Variants in ECEL1 observed in about 807,000 individuals in gnomAD.
ECEL1 encodes the protein endothelin converting enzyme like 1.
ECEL1 carries 87 observed loss-of-function variants against 101.8 expected under a neutral mutation model. That is an observed-to-expected ratio of 0.85 (90% confidence interval 0.72 to 1.02). The LOEUF is 1.02. Ranked by LOEUF, ECEL1 falls within the 50% of genes least tolerant of loss-of-function variation. ECEL1 has a pLI of 0.00. For synonymous variants in ECEL1, 487 were observed against 468.7 expected, an observed-to-expected ratio of 1.04 and a Z score of -0.50; for missense variants, 1,032 against 1,079.2, an observed-to-expected ratio of 0.96 and a Z score of 0.61.
Position 232,486,608 on chromosome 2 carries a change from C to T in ECEL1, c.46G>A (p.Glu16Lys), listed in dbSNP as rs777162903. Residue 16 changes from glutamate to lysine, a missense_variant, in exon 2 of 18, where the codon GAG (glutamate) becomes AAG (lysine). Physicochemically the swap from Glu to Lys is moderately conservative, Grantham distance 56 (BLOSUM62 1). Transcript: ENST00000304546. Reference protein sequence around the residue: ...SLTAHYDEFQEVKYVSRCGAG... With the variant: ...SLTAHYDEFQKVKYVSRCGAG... ...CCGCAGCGGCTCACGTACTTGACCTCTTGGAACTCATCGTAGTGCGCCGTC... is the reference window on the plus strand; with the variant it reads ...CCGCAGCGGCTCACGTACTTGACCTTTTGGAACTCATCGTAGTGCGCCGTC... 19 of 1,521,134 alleles carry T rather than the reference C, an allele frequency of 1.2e-5. No individual in the cohort carries two copies. The South Asian group carries it at 2.3e-4, about 18-fold the overall frequency. 94.2% of individuals were successfully genotyped at this position (1,521,134 alleles called of 1,614,324 possible).
intron 12 of ECEL1, among the ~76,000 whole-genome samples, chr2:232,482,126 T>C (rs919300336): frequency 6.6e-6 from 1 of 152,234 alleles, no homozygotes; most frequent in Non-Finnish European, 1.5e-5. Context: ...CGGAGGCACC[T>C]ACGTAGGGGT....
intron 1 of ECEL1, among the ~76,000 whole-genome samples, 163 bp from the exon 2 acceptor site, chr2:232,486,917 G>T (rs1437333469): frequency 6.6e-6 from 1 of 152,176 alleles, no homozygotes; most frequent in Non-Finnish European, 1.5e-5. Context: ...CCACCCCCGG[G>T]TGCACAGTGG....
In ECEL1 at chr2:232,483,406, C is replaced by T. The variant is rs759173837; in HGVS notation, c.1506+10G>A. ...ATGGGACCAACCAATGACACTGGGTCCCCCCTCACCTTGGCCCGAGCAGCA... is the reference window on the plus strand; with the variant it reads ...ATGGGACCAACCAATGACACTGGGTTCCCCCTCACCTTGGCCCGAGCAGCA... On this transcript the variant is annotated intron_variant, in intron 8 of 17. Transcript: ENST00000304546. 6 of 1,595,746 alleles carry T rather than the reference C, an allele frequency of 3.8e-6. No homozygotes were observed. The highest frequency in any genetic ancestry group is 1.3e-5 in the African/African-American group (1 of 74,226).
chr2:232,484,637 A>C (rs1690673035), intron 5 of ECEL1, 41 bp from the exon 6 acceptor site: 1 of 1,610,728 alleles, frequency 6.2e-7, no homozygotes, highest in Non-Finnish European at 8.5e-7. Context: ...TAGGGTTGGC[A>C]GGGGCCACAG....
Position 232,480,798 on chromosome 2 carries a change from C to A in ECEL1, c.2071G>T (p.Val691Leu). The part of the protein sequence containing the change: ...KLAYHAYQKW[V>L]REHGPEHPLP... ...GGGTGCTCTGGGCCGTGCTCCCGCA[C>A]CCACTTCTGATAGGCCTGGGGACAC... Residue 691 changes from valine to leucine, a missense_variant, in exon 16 of 18, where the codon GTG (valine) becomes TTG (leucine). By Grantham distance (32) the Val-to-Leu change is conservative (BLOSUM62 1). Transcript: ENST00000304546. 2 of 1,613,654 alleles carry A rather than the reference C, an allele frequency of 1.2e-6. No homozygotes were observed. The highest frequency in any genetic ancestry group is 1.7e-6 in the Non-Finnish European group (2 of 1,179,834).
rs778627852 is a variant in ECEL1, at chr2:232,486,315, G to A, written c.339C>T (p.Ala113=). 3.8e-6 allele frequency: 6 copies of A among 1,582,532 alleles called. No homozygotes were observed. The South Asian group carries it at 4.5e-5, about 12-fold the overall frequency. ...KAFARAARFL[A]ANLDASIDPC... ...GGTCGATGCTGGCGTCCAGGTTGGC[G>A]GCCAGGAAGCGAGCGGCGCGCGCGA... Residue 113 remains alanine, a synonymous_variant, in exon 2 of 18, where the codon GCC becomes GCT. Coordinates refer to ENST00000304546, the MANE Select transcript of ECEL1 (RefSeq NM_004826.4).
chr2:232,485,248 G>T lies in ECEL1; in HGVS notation c.806C>A (p.Thr269Asn). 1 of 1,613,578 alleles carries T rather than the reference G, an allele frequency of 6.2e-7. No individual in the cohort carries two copies. The highest frequency in any genetic ancestry group is 8.5e-7 in the Non-Finnish European group (1 of 1,180,004). ...YVIRIDQDGL[T>N]LPERTLYLAQ... ...GAGGTACAGGGTCCTCTCTGGCAGG[G>T]TGAGCCCATCCTGGTCAATCTGGGG... The change falls in exon 3 of 18, where the codon ACC becomes AAC. Residue 269 changes from threonine to asparagine, a missense_variant. Thr to Asn is a moderately conservative substitution (Grantham distance 65, BLOSUM62 0). Coordinates refer to ENST00000304546, the MANE Select transcript of ECEL1 (RefSeq NM_004826.4).
intron 12 of ECEL1, 138 bp downstream of exon 12, chr2:232,482,280 G>A (rs1690600004): frequency 1.8e-6 from 2 of 1,108,536 alleles, no homozygotes; most frequent in East Asian, 4.7e-5. Context: ...GGGAGCCAGG[G>A]TCCACAGCTG....
At position 232,480,448 on chromosome 2, in the gene ECEL1, A is replaced by G. The variant is rs752788383; in HGVS notation, c.2179T>C (p.Ser727Pro). 6.2e-7 allele frequency: 1 copy of G among 1,613,868 alleles called. No individual in the cohort carries two copies. Among genetic ancestry groups the G allele is most frequent in the East Asian group, 2.2e-5 (1 of 44,864 alleles). ...TCAGTCAGCACCTGCAGGTAGATGG[A>G]CTGCGACCGCCGCTTGATGCACCAG... The part of the protein sequence containing the change: ...QNWCIKRRSQ[S>P]IYLQVLTDKH... The change falls in exon 17 of 18, where the codon TCC becomes CCC. Residue 727 changes from serine (S) to proline (P), a missense_variant. Coordinates refer to ENST00000304546, the MANE Select transcript of ECEL1 (RefSeq NM_004826.4).
At chr2:232,483,884 G>T in intron 7 of ECEL1, 117 bp downstream of exon 7, 2 of 1,164,460 alleles carry the variant, frequency 1.7e-6, no homozygotes, top group Non-Finnish European at 2.5e-6. Flanking sequence ...ACTTAGCAGG[G>T]CCTGGTCCCC....
chr2:232,481,418 C>T, intron 14 of ECEL1, 88 bp downstream of exon 14: 2 of 1,524,440 alleles, frequency 1.3e-6, no homozygotes, highest in Non-Finnish European at 1.8e-6. Flanking sequence ...TTTGTTTGGA[C>T]ATGTGCACGT....
rs776933648 is a variant in ECEL1 at position 232,481,150 on chromosome 2, C to A, written c.1996G>T (p.Gly666Trp). 6.4e-7 allele frequency: 1 copy of A among 1,564,764 alleles called. No individual in the cohort carries two copies. Among genetic ancestry groups the A allele is most frequent in the East Asian group, 2.4e-5 (1 of 42,044 alleles). ...NFTVYNQRVNGKHTLGENIAD... is the reference protein window; with the variant it reads ...NFTVYNQRVNWKHTLGENIAD... The stretch of plus-strand genomic sequence containing the variant: ...ATGTTCTCCCCAAGCGTGTGTTTCC[C>A]GTTCACCTGCCGGGAAGGGAAGAGG... Residue 666 changes from glycine to tryptophan, a missense_variant, in exon 15 of 18, where the codon GGG becomes TGG. Physicochemically the swap from Gly to Trp is radical, Grantham distance 184 (BLOSUM62 -2). Transcript: ENST00000304546.
At chr2:232,487,370 T>C (rs1384179311) in intron 1 of ECEL1, among the ~76,000 whole-genome samples, 1 of 152,032 alleles carries the variant, frequency 6.6e-6, no homozygotes, top group Non-Finnish European at 1.5e-5. Flanking sequence ...ACCCACCCAC[T>C]GGACGGCCCT....
chr2:232,480,648 G>C, intron 16 of ECEL1, 70 bp downstream of exon 16: 1 of 1,567,714 alleles, frequency 6.4e-7, no homozygotes, highest in South Asian at 1.1e-5. Context: ...GGGCAAGGCA[G>C]GACTGGGACT....
chr2:232,480,582 G>A (rs1222426274), intron 16 of ECEL1, 107 bp from the exon 17 acceptor site: 6 of 1,514,272 alleles, frequency 4.0e-6, no homozygotes, highest in Non-Finnish European at 5.4e-6. Flanking sequence ...CAGCACCACA[G>A]GACCATCACC....
At position 232,482,443 on chromosome 2, in the gene ECEL1, T is replaced by G. The variant is rs967334276; in HGVS notation, c.1771A>C (p.Thr591Pro). ...MVFPAGILQP[T>P]LYDPDFPQSL... The stretch of plus-strand genomic sequence containing the variant: ...TGTGGGAAGTCAGGGTCGTACAGGG[T>G]GGGCTGCAGGATGCCCGCGGGGAAC... The change falls in exon 12 of 18, where the codon ACC becomes CCC. Residue 591 changes from threonine to proline, a missense_variant. By Grantham distance (38) the Thr-to-Pro change is conservative. Transcript: ENST00000304546. 1 of 1,613,922 alleles carries G rather than the reference T, an allele frequency of 6.2e-7. No individual in the cohort carries two copies. The highest frequency in any genetic ancestry group is 8.5e-7 in the Non-Finnish European group (1 of 1,180,000).
rs1184780729 is a variant in ECEL1 at position 232,486,256 on chromosome 2, C to A, written c.398G>T (p.Gly133Val). The A allele has an allele frequency of 6.2e-7, 1 of 1,601,328 alleles. No individual in the cohort carries two copies. Among genetic ancestry groups the A allele is most frequent in the Admixed American group, 1.7e-5 (1 of 59,826 alleles). The change falls in exon 2 of 18, where the codon GGT (glycine) becomes GTT (valine). Residue 133 changes from glycine (G) to valine (V), a missense_variant. Physicochemically the swap from Gly to Val is moderately radical, Grantham distance 109. Coordinates refer to ENST00000304546, the MANE Select transcript of ECEL1 (RefSeq NM_004826.4). ...CQDFYSFACGGWLRRHAIPDD... is the reference protein window; with the variant it reads ...CQDFYSFACGVWLRRHAIPDD... ...GGGGATGGCGTGGCGCCGCAGCCAACCGCCGCAGGCGAACGAGTAGAAGTC... is the reference window on the plus strand; with the variant it reads ...GGGGATGGCGTGGCGCCGCAGCCAAACGCCGCAGGCGAACGAGTAGAAGTC...
intron 14 of ECEL1, 85 bp downstream of exon 14, chr2:232,481,421 G>A: frequency 6.5e-7 from 1 of 1,527,760 alleles, no homozygotes; most frequent in Non-Finnish European, 8.8e-7. Flanking sequence ...GTTTGGACAT[G>A]TGCACGTGCG....
rs749958318 is a variant in ECEL1 at position 232,483,526 on chromosome 2, G to A, written c.1408-12C>T. 6.3e-7 allele frequency: 1 copy of A among 1,596,912 alleles called. No individual in the cohort carries two copies. The highest frequency in any genetic ancestry group is 1.1e-5 in the South Asian group (1 of 88,212). On this transcript the variant is annotated splice_polypyrimidine_tract_variant and intron_variant, in intron 7 of 17. Transcript: ENST00000304546. Reference sequence around the variant, plus strand: ...ACTAGCTGCTGCACCTGCAGGGTCAGGGGTCAGGGAGCAAGGGTCAACCCA... The same window carrying A: ...ACTAGCTGCTGCACCTGCAGGGTCAAGGGTCAGGGAGCAAGGGTCAACCCA...
Sources: allele counts gnomAD v4.1 joint callset (sites outside exome capture counted in the v4.1 genomes callset), GRCh38; gene constraint gnomAD v4.1.1; transcripts MANE v1.5; gene names NCBI Gene and HGNC (gene_info 2026-07-23, HGNC 2026-07-21).